SLFN14: variants seen among roughly 807,000 people sequenced by gnomAD.
SLFN14 encodes schlafen family member 14, also known as protein SLFN14.
In SLFN14, 47 loss-of-function variants were observed where a neutral mutation model predicts 58.6. The observed-to-expected ratio is 0.80, with a 90% CI of 0.64 to 1.02. The LOEUF (loss-of-function observed/expected upper bound fraction) is 1.02, where lower values mean the gene tolerates loss of function less well. Among genes scored for constraint, SLFN14 ranks in the 50% least tolerant of loss-of-function variants. The probability of loss-of-function intolerance (pLI) is 0.00; values close to 1 mark genes in which losing one functional copy is unlikely to be tolerated. For synonymous variants in SLFN14, 390 were observed against 387.3 expected (o/e 1.01, Z -0.08); for missense variants, 967 against 1,078.4 (o/e 0.90, Z 1.45).
At position 35,557,031 on chromosome 17, in the gene SLFN14, C is replaced by T; in HGVS notation, c.1032G>A (p.Trp344Ter). The change falls in exon 3 of 6, where the codon TGG becomes TGA. Residue 344 changes from tryptophan to a stop codon, truncating the protein, a stop_gained. Coordinates refer to ENST00000674182, the MANE Select transcript of SLFN14 (RefSeq NM_001129820.2). LOFTEE classifies it high-confidence loss of function. ...NSVTRLTAEQ[W>*]VVMMLDTQSA... ...ACTGAGTATCCAGCATCATGACCAC[C>T]CACTGCTCAGCTGTCAGCCGTGTGA... The T allele has an allele frequency of 6.4e-7, 1 of 1,551,546 alleles. No individual in the cohort carries two copies. The highest frequency in any genetic ancestry group is 8.7e-7 in the Non-Finnish European group (1 of 1,146,916).
chr17:35,553,330 A>C lies in SLFN14; in HGVS notation c.1304T>G (p.Ile435Ser). 1 of 1,551,600 alleles carries C rather than the reference A, an allele frequency of 6.4e-7. No homozygotes were observed. The highest frequency in any genetic ancestry group is 2.0e-5 in the Admixed American group (1 of 50,986). Residue 435 changes from isoleucine (I) to serine (S), a missense_variant, in exon 5 of 6, where the codon ATT (isoleucine) becomes AGT (serine). Transcript: ENST00000674182. Reference protein sequence around the residue: ...KTLIHPCSQGIVIFSRSWAGD... With the variant: ...KTLIHPCSQGSVIFSRSWAGD... ...AGCCCAGCTTCTAGAAAATATCACA[A>C]TCCCCTGAGAACAAGGATGTATCAG... is the stretch of plus-strand genomic sequence containing the variant.
In SLFN14 at chr17:35,548,543, G is replaced by C; in HGVS notation, c.2435C>G (p.Pro812Arg). 1.3e-6 allele frequency: 2 copies of C among 1,551,660 alleles called. No individual in the cohort carries two copies. The highest frequency in any genetic ancestry group is 1.7e-6 in the Non-Finnish European group (2 of 1,146,994). The change falls in exon 6 of 6, where the codon CCC becomes CGC. Residue 812 changes from proline (P) to arginine (R), a missense_variant. Physicochemically the swap from Pro to Arg is moderately radical, Grantham distance 103 (BLOSUM62 -2). Transcript: ENST00000674182. ...CCTGCACAGAATTGCTATATCTTTGGGCAGATAGCCACACTGGAACAGGCT... is the reference window on the plus strand; with the variant it reads ...CCTGCACAGAATTGCTATATCTTTGCGCAGATAGCCACACTGGAACAGGCT... ...CHSLFQCGYLPKDIAILCRRG... is the reference protein window; with the variant it reads ...CHSLFQCGYLRKDIAILCRRG...
In SLFN14 at chr17:35,552,663, C is replaced by CACAT. The variant is rs1555547587; in HGVS notation, c.1904+66_1904+67insATGT. ...ATATATATATACACATATATATACACATATATATACACATATATATATACA... is the reference window on the plus strand; with the variant it reads ...ATATATATATACACATATATATACACACATATATATATACACATATATATATACA... On this transcript the variant is annotated intron_variant, in intron 5 of 5. Transcript: ENST00000674182. The CACAT allele has an allele frequency of 2.3e-5, 13 of 572,474 alleles. No homozygotes were observed. The East Asian group carries it at 2.3e-4, about 10-fold the overall frequency. The allele number at this position is 572,474 out of a possible 1,614,324, so 35.5% of individuals were successfully genotyped here.
At position 35,559,805 on chromosome 17, in the gene SLFN14, C is replaced by T. The variant is rs1030312187; in HGVS notation, c.-123G>A. 6.6e-6 allele frequency among the ~76,000 whole-genome samples: 1 copy of T among 152,182 alleles called. No individual in the cohort carries two copies. Among genetic ancestry groups the T allele is most frequent in the African/African-American group, 2.4e-5 (1 of 41,438 alleles). ...TTTGTTCTTGGTTGCCTTCTCACTT[C>T]CTTCAGGAAAACCAGAATCAACCTG... is the stretch of plus-strand genomic sequence containing the variant. On this transcript the variant is annotated splice_region_variant and 5_prime_UTR_variant, in exon 2 of 6. Transcript: ENST00000674182.
chr17:35,551,475 T>C (rs1486048849), intron 5 of SLFN14, among the ~76,000 whole-genome samples: 1 of 152,212 alleles, frequency 6.6e-6, no homozygotes. Context: ...TATACAATCA[T>C]GTCGTACCTA....
intron 1 of SLFN14, among the ~76,000 whole-genome samples, chr17:35,560,210 T>C (rs957272756): frequency 6.6e-6 from 1 of 152,256 alleles, no homozygotes; most frequent in Non-Finnish European, 1.5e-5. Flanking sequence ...GCAAACCCTA[T>C]GGTCTCGTGA....
rs2072664689 is a variant in SLFN14 at position 35,557,534 on chromosome 17, T to C, written c.529A>G (p.Ile177Val). ...LHPQQVLNRCIQEEEDMRILA... is the reference protein window; with the variant it reads ...LHPQQVLNRCVQEEEDMRILA... ...ATCCTCATATCTTCCTCTTCCTGAA[T>C]GCATCTATTGAGAACCTGCTGAGGA... Residue 177 changes from isoleucine to valine, a missense_variant, in exon 3 of 6, where the codon ATT becomes GTT. Transcript: ENST00000674182. The C allele has an allele frequency of 6.4e-7, 1 of 1,551,588 alleles. No individual in the cohort carries two copies. Among genetic ancestry groups the C allele is most frequent in the African/African-American group, 1.4e-5 (1 of 73,064 alleles).
At chr17:35,554,913 A>G in intron 3 of SLFN14, 1 of 352,558 alleles carries the variant, frequency 2.8e-6, no homozygotes, top group Non-Finnish European at 5.0e-6. Flanking sequence ...ACATATTCTA[A>G]GTCACTGTGT....
rs1296268821 is a variant in SLFN14, at chr17:35,557,889, A to G, written c.174T>C (p.Gly58=). Residue 58 remains glycine (G), a synonymous_variant, in exon 3 of 6, where the codon GGT becomes GGC. Coordinates refer to ENST00000674182, the MANE Select transcript of SLFN14 (RefSeq NM_001129820.2). ...AICALLNSGG[G]VIKAEIDDKT... is the part of the protein sequence containing the mutation. ...TATCATCAATCTCTGCTTTGATCAC[A>G]CCACCTCCAGAATTTAACAGTGCAC... The G allele has an allele frequency of 6.4e-7, 1 of 1,551,702 alleles. No homozygotes were observed. The highest frequency in any genetic ancestry group is 8.7e-7 in the Non-Finnish European group (1 of 1,146,990).
chr17:35,552,880 T>A lies in SLFN14; in HGVS notation c.1754A>T (p.Lys585Met). Residue 585 changes from lysine to methionine, a missense_variant, in exon 5 of 6, where the codon AAG (lysine) becomes ATG (methionine). Coordinates refer to ENST00000674182, the MANE Select transcript of SLFN14 (RefSeq NM_001129820.2). ...GCAGTAGATGAATAATTCACGTGTC[T>A]TCTGAAGACTCTCAGAAAGCAACTG... ...QSQLLSESLQ[K>M]TRELFIYCFP... 1 of 1,551,570 alleles carries A rather than the reference T, an allele frequency of 6.4e-7. No individual in the cohort carries two copies. Among genetic ancestry groups the A allele is most frequent in the Non-Finnish European group, 8.7e-7 (1 of 1,146,960 alleles).
chr17:35,552,677 T>C (rs572393301), intron 5 of SLFN14, 53 bp downstream of exon 5: 38 of 972,378 alleles, frequency 3.9e-5, no homozygotes, highest in East Asian at 2.3e-4. Context: ...TATATACACA[T>C]ATATATATAC....
At position 35,544,202 on chromosome 17, in the gene SLFN14, A is replaced by C. The variant is rs565614038; in HGVS notation, c.*4037T>G. Reference sequence around the variant, plus strand: ...TAAACCCAATGCTGAAAGTCCATGTACAGCCTCTGTGCACATCAGAACTAC... The same window carrying C: ...TAAACCCAATGCTGAAAGTCCATGTCCAGCCTCTGTGCACATCAGAACTAC... On this transcript the variant is annotated 3_prime_UTR_variant, in exon 6 of 6. Coordinates refer to ENST00000674182, the MANE Select transcript of SLFN14 (RefSeq NM_001129820.2). Among the ~76,000 whole-genome samples, 1 of 152,314 alleles carries C rather than the reference A, an allele frequency of 6.6e-6. No individual in the cohort carries two copies. Among genetic ancestry groups the C allele is most frequent in the East Asian group, 1.9e-4 (1 of 5,182 alleles).
chr17:35,556,184 T>A (rs2072651096), intron 3 of SLFN14, among the ~76,000 whole-genome samples: 1 of 151,950 alleles, frequency 6.6e-6, no homozygotes, highest in African/African-American at 2.4e-5. Context: ...ACTACAGGCA[T>A]ACACCACCAC....
At chr17:35,550,320 C>T (rs1353610868) in intron 5 of SLFN14, among the ~76,000 whole-genome samples, 9 of 152,146 alleles carry the variant, frequency 5.9e-5, no homozygotes, top group African/African-American at 1.7e-4. Flanking sequence ...AGGAGGTGGG[C>T]GGATCACCTG....
At chr17:35,554,276 G>C (rs1367876700) in intron 4 of SLFN14, among the ~76,000 whole-genome samples, 2 of 148,142 alleles carry the variant, frequency 1.4e-5, no homozygotes, top group Non-Finnish European at 3.0e-5. Context: ...CAGATGACTG[G>C]AAACAAGGGT....
intron 2 of SLFN14, among the ~76,000 whole-genome samples, chr17:35,559,392 A>G (rs542191588): frequency 6.6e-6 from 1 of 152,280 alleles, no homozygotes; most frequent in African/African-American, 2.4e-5. Flanking sequence ...ATTGCCTCAT[A>G]TACAGTGTGA....
intron 5 of SLFN14, among the ~76,000 whole-genome samples, chr17:35,550,264 G>GGCCA (rs2072572861): frequency 6.6e-6 from 1 of 152,202 alleles, no homozygotes; most frequent in Non-Finnish European, 1.5e-5. Context: ...ATGGGCATGA[G>GGCCA]GCCAGGTGCA....
rs1341634576 is a variant in SLFN14 at position 35,557,239 on chromosome 17, AT to A, written c.823del (p.Ile275Ter). On this transcript the variant is annotated frameshift_variant, in exon 3 of 6. Coordinates refer to ENST00000674182, the MANE Select transcript of SLFN14 (RefSeq NM_001129820.2). LOFTEE classifies it high-confidence loss of function. ...GAAGTGGAATGTAGGCAATTTTTCT[AT>A]GCAGTTTTCGATTTCTTTTTTTAGT... ...DLLKKEIENC[I>X]EKLPTFHFCC... 1 of 1,551,686 alleles carries A rather than the reference AT, an allele frequency of 6.4e-7. No individual in the cohort carries two copies. Among genetic ancestry groups the A allele is most frequent in the South Asian group, 1.2e-5 (1 of 84,066 alleles).
chr17:35,549,613 T>C (rs1010769210), intron 5 of SLFN14, among the ~76,000 whole-genome samples: 3 of 152,218 alleles, frequency 2.0e-5, no homozygotes, highest in African/African-American at 7.2e-5. Context: ...ACCAAATCTA[T>C]GGGGCTATGC....
Sources: gnomAD v4.1 joint callset for allele counts (sites outside exome capture counted in the v4.1 genomes callset) on GRCh38, gnomAD v4.1.1 for gene constraint, MANE v1.5 for transcripts, NCBI Gene and HGNC (gene_info 2026-07-23, HGNC 2026-07-21) for gene names.